The following ASIC2 variants were observed in gnomAD, a reference collection of about 807,000 sequenced individuals.
ASIC2 encodes acid-sensing ion channel 2.
A neutral mutation model predicts 57.3 loss-of-function variants in ASIC2; 25 were observed. That is an observed-to-expected ratio of 0.44 (90% CI 0.32 to 0.61). The LOEUF is 0.61. Ranked by LOEUF, ASIC2 falls within the 20% of genes least tolerant of loss-of-function variation. The pLI, the probability that ASIC2 is intolerant of heterozygous loss-of-function variation, is 0.06. For synonymous variants in ASIC2, 319 were observed against 307.5 expected (o/e 1.04, Z -0.39); for missense variants, 641 against 738.1 (o/e 0.87, Z 1.52).
chr17:33,858,008 T>C (rs1597905024), intron 1 of ASIC2, among the ~76,000 whole-genome samples: 1 of 152,126 alleles, frequency 6.6e-6, no homozygotes, highest in Non-Finnish European at 1.5e-5. Context: ...AAGTGGGAGG[T>C]CAAGAGGACC....
chr17:33,725,897 C>G (rs1909542767), intron 1 of ASIC2, among the ~76,000 whole-genome samples: 1 of 152,186 alleles, frequency 6.6e-6, no homozygotes, highest in African/African-American at 2.4e-5. Context: ...CAGCACATCA[C>G]CAGTGTTGCC....
intron 1 of ASIC2, among the ~76,000 whole-genome samples, chr17:33,514,599 G>A (rs189924056): frequency 1.5e-3 from 223 of 152,282 alleles, no homozygotes; most frequent in African/African-American, 5.2e-3. Flanking sequence ...TGCCCTTATT[G>A]ATCTTTCCAG....
chr17:33,323,261 C>A (rs958195948), intron 1 of ASIC2, among the ~76,000 whole-genome samples: 2 of 152,174 alleles, frequency 1.3e-5, no homozygotes, highest in African/African-American at 4.8e-5. Context: ...TTCCTACTAG[C>A]CACAGACTGG....
chr17:33,283,691 GTA>G (rs1362721333), intron 1 of ASIC2, among the ~76,000 whole-genome samples: 1 of 152,160 alleles, frequency 6.6e-6, no homozygotes, highest in Non-Finnish European at 1.5e-5. Context: ...GGCTCTTCTT[GTA>G]TTCCTGTGCT....
At chr17:33,134,175 G>A (rs369477789) in intron 1 of ASIC2, among the ~76,000 whole-genome samples, 1 of 152,184 alleles carries the variant, frequency 6.6e-6, no homozygotes, top group Non-Finnish European at 1.5e-5. Flanking sequence ...TAAGTGACTT[G>A]GTGTGGCAGA....
At chr17:33,397,127 G>A (rs1034597682) in intron 1 of ASIC2, among the ~76,000 whole-genome samples, 1 of 152,198 alleles carries the variant, frequency 6.6e-6, no homozygotes, top group African/African-American at 2.4e-5. Context: ...TCACTGCCTG[G>A]TGGGAGGCCA....
At chr17:33,512,922 G>A (rs1048741002) in intron 1 of ASIC2, among the ~76,000 whole-genome samples, 1 of 152,238 alleles carries the variant, frequency 6.6e-6, no homozygotes, top group Non-Finnish European at 1.5e-5. Flanking sequence ...GTGCAAACTG[G>A]AAACCTGAAG....
At chr17:33,380,433 A>G (rs556657924) in intron 1 of ASIC2, among the ~76,000 whole-genome samples, 39 of 152,224 alleles carry the variant, frequency 2.6e-4, no homozygotes, top group African/African-American at 9.1e-4. Context: ...TCTATCTTTG[A>G]TGTAGAAAGT....
chr17:33,725,565 G>A (rs535272759), intron 1 of ASIC2, among the ~76,000 whole-genome samples: 3 of 152,118 alleles, frequency 2.0e-5, no homozygotes, highest in African/African-American at 7.2e-5. Flanking sequence ...TTAGGAATAA[G>A]TTAGAAGAGG....
chr17:33,829,497 G>C (rs1913038930), intron 1 of ASIC2, among the ~76,000 whole-genome samples: 1 of 152,100 alleles, frequency 6.6e-6, no homozygotes, highest in Non-Finnish European at 1.5e-5. Flanking sequence ...ACAGAAAGCA[G>C]TTAGACTCCC....
chr17:33,419,127 A>G lies in ASIC2; in HGVS notation c.556-307060T>C, dbSNP rs1049076174. Among the ~76,000 whole-genome samples, 4 of 152,346 alleles carry G rather than the reference A, an allele frequency of 2.6e-5. No individual in the cohort carries two copies. In the East Asian group the frequency reaches 7.7e-4, roughly 29 times the overall value. ...AATAAAAAAGAATCAGAGACATCAG[A>G]GAAAGAGGGAGCCCATGCCTTGTCT... On this transcript the variant is annotated intron_variant, in intron 1 of 9. Transcript: ENST00000359872.
At chr17:34,055,552 C>G (rs1908735450) in intron 1 of ASIC2, among the ~76,000 whole-genome samples, 2 of 152,176 alleles carry the variant, frequency 1.3e-5, no homozygotes, top group Admixed American at 1.3e-4. Flanking sequence ...CTTAATCAAT[C>G]CCTACCAATT....
intron 9 of ASIC2, among the ~76,000 whole-genome samples, chr17:33,014,985 A>G (rs1452795164): frequency 6.6e-6 from 1 of 152,186 alleles, no homozygotes; most frequent in Non-Finnish European, 1.5e-5. Flanking sequence ...AGGAAGCCGG[A>G]GCCTTAGGAT....
At chr17:33,861,914 G>A (rs1914111564) in intron 1 of ASIC2, among the ~76,000 whole-genome samples, 1 of 152,118 alleles carries the variant, frequency 6.6e-6, no homozygotes, top group Non-Finnish European at 1.5e-5. Context: ...GGAGACCGTG[G>A]CAAATACAAA....
At chr17:33,045,638 CA>C (rs1321543141) in intron 3 of ASIC2, among the ~76,000 whole-genome samples, 5 of 152,084 alleles carry the variant, frequency 3.3e-5, no homozygotes, top group African/African-American at 1.2e-4. Flanking sequence ...GGGCCAGGGT[CA>C]TGGCGGGGGC....
At chr17:33,051,387 G>A (rs1350535815) in intron 3 of ASIC2, among the ~76,000 whole-genome samples, 1 of 152,168 alleles carries the variant, frequency 6.6e-6, no homozygotes, top group African/African-American at 2.4e-5. Context: ...GTTACTGTGT[G>A]AGGAAGAATA....
intron 1 of ASIC2, among the ~76,000 whole-genome samples, chr17:33,126,884 G>A (rs1241366410): frequency 1.9e-5 from 2 of 104,654 alleles, no homozygotes; most frequent in African/African-American, 4.3e-5. Flanking sequence ...TTTTTGAGAC[G>A]GAGTCTCGCT....
chr17:34,096,583 C>T (rs1022734033), intron 1 of ASIC2, among the ~76,000 whole-genome samples: 1 of 151,970 alleles, frequency 6.6e-6, no homozygotes, highest in Non-Finnish European at 1.5e-5. Flanking sequence ...CAGGATTGGC[C>T]GGGCATGGTG....
chr17:33,944,713 A>G (rs774188475), intron 1 of ASIC2, among the ~76,000 whole-genome samples: 3 of 152,170 alleles, frequency 2.0e-5, no homozygotes, highest in African/African-American at 7.2e-5. Context: ...TGTACTGAGA[A>G]TGAGATGAGC....
Sources: allele counts gnomAD v4.1 joint callset (sites outside exome capture counted in the v4.1 genomes callset), GRCh38; gene constraint gnomAD v4.1.1; transcripts MANE v1.5; gene names NCBI Gene and HGNC (gene_info 2026-07-23, HGNC 2026-07-21).